MEOX2: variants seen among roughly 807,000 people sequenced by gnomAD.
MEOX2 encodes homeobox protein MOX-2.
A neutral mutation model predicts 27.0 loss-of-function variants in MEOX2; 11 were observed. The ratio of observed to expected loss-of-function variants is 0.41; its 90% CI spans 0.26 to 0.68. MEOX2 has a LOEUF of 0.68. Among genes scored for constraint, MEOX2 ranks in the 30% least tolerant of loss-of-function variants. The pLI is 0.33. For synonymous variants in MEOX2, 189 were observed against 155.4 expected (o/e 1.22, Z -1.61); for missense variants, 436 against 385.4 (o/e 1.13, Z -1.10).
intron 1 of MEOX2, among the ~76,000 whole-genome samples, chr7:15,632,084 C>T (rs1437508340): frequency 6.6e-6 from 1 of 151,774 alleles, no homozygotes; most frequent in African/African-American, 2.4e-5. Context: ...CTCTAAAGTC[C>T]TCCATACCTT....
At chr7:15,663,768 GA>G (rs1204292776) in intron 1 of MEOX2, among the ~76,000 whole-genome samples, 2 of 152,216 alleles carry the variant, frequency 1.3e-5, no homozygotes, top group Non-Finnish European at 2.9e-5. Flanking sequence ...GGCATTTAAA[GA>G]GAGAGATGGG....
intron 1 of MEOX2, among the ~76,000 whole-genome samples, chr7:15,629,755 G>C (rs1304441288): frequency 1.3e-5 from 2 of 151,742 alleles, no homozygotes; most frequent in Non-Finnish European, 2.9e-5. Flanking sequence ...TACAGTCTTG[G>C]TTTTTTAAAA....
chr7:15,642,977 T>C (rs1356825873), intron 1 of MEOX2, among the ~76,000 whole-genome samples: 1 of 152,230 alleles, frequency 6.6e-6, no homozygotes. Flanking sequence ...CACTGTCTCC[T>C]ACAAGGATAA....
At chr7:15,617,235 T>G (rs1781138262) in intron 2 of MEOX2, among the ~76,000 whole-genome samples, 1 of 152,146 alleles carries the variant, frequency 6.6e-6, no homozygotes, top group Admixed American at 6.5e-5. Flanking sequence ...GATTTGTAGA[T>G]TTAATATTCC....
intron 1 of MEOX2, among the ~76,000 whole-genome samples, chr7:15,662,289 T>C (rs1163842691): frequency 6.6e-6 from 1 of 152,048 alleles, no homozygotes; most frequent in Non-Finnish European, 1.5e-5. Flanking sequence ...TAATATATTT[T>C]CTTTAGGGAT....
At chr7:15,627,560 T>C (rs1042672115) in intron 1 of MEOX2, among the ~76,000 whole-genome samples, 1 of 152,068 alleles carries the variant, frequency 6.6e-6, no homozygotes, top group African/African-American at 2.4e-5. Flanking sequence ...AGTTTTTAAA[T>C]GTGTTTTTCA....
At chr7:15,644,350 A>C (rs1358189114) in intron 1 of MEOX2, among the ~76,000 whole-genome samples, 1 of 152,126 alleles carries the variant, frequency 6.6e-6, no homozygotes, top group African/African-American at 2.4e-5. Flanking sequence ...TTCTGTGGCT[A>C]AATATGGTGC....
rs994287248 is a variant in MEOX2 at position 15,659,163 on chromosome 7, C to T, written c.517+26723G>A. Among the ~76,000 whole-genome samples, 9 of 152,056 alleles carry T rather than the reference C, an allele frequency of 5.9e-5. No individual in the cohort carries two copies. In the East Asian group the frequency reaches 1.5e-3, roughly 26 times the overall value. On this transcript the variant is annotated intron_variant, in intron 1 of 2. Transcript: ENST00000262041. ...TACAGGCACATGCCAGCATGTCTGG[C>T]TATTTTTTATTTTATTTATTGTTTT...
intron 1 of MEOX2, among the ~76,000 whole-genome samples, chr7:15,648,496 T>C (rs909293991): frequency 3.3e-5 from 5 of 152,074 alleles, no homozygotes; most frequent in African/African-American, 1.2e-4. Context: ...TAATCACTGC[T>C]GGGATACAGA....
intron 1 of MEOX2, among the ~76,000 whole-genome samples, chr7:15,673,173 A>C (rs933802903): frequency 5.9e-5 from 9 of 152,190 alleles, no homozygotes; most frequent in Non-Finnish European, 1.2e-4. Flanking sequence ...TAAAAGAAAA[A>C]GAAAACACTA....
intron 1 of MEOX2, among the ~76,000 whole-genome samples, chr7:15,630,723 A>C (rs1024573916): frequency 6.6e-6 from 1 of 151,988 alleles, no homozygotes; most frequent in African/African-American, 2.4e-5. Flanking sequence ...TAGTTATGGA[A>C]AGCTAATAAT....
chr7:15,628,553 G>C (rs1781352057), intron 1 of MEOX2, among the ~76,000 whole-genome samples: 1 of 152,090 alleles, frequency 6.6e-6, no homozygotes. Context: ...CCTTAGCAGG[G>C]TATGTGGGGC....
At chr7:15,676,727 G>A (rs866543191) in intron 1 of MEOX2, among the ~76,000 whole-genome samples, 6 of 151,794 alleles carry the variant, frequency 4.0e-5, no homozygotes, top group Middle Eastern at 3.4e-3. Context: ...AAAAATTAGC[G>A]GGCGCCTGTA....
intron 1 of MEOX2, among the ~76,000 whole-genome samples, chr7:15,664,111 C>G (rs1032749843): frequency 6.6e-6 from 1 of 152,034 alleles, no homozygotes; most frequent in African/African-American, 2.4e-5. Flanking sequence ...GTTGGCTGTA[C>G]TTAAAGACCC....
chr7:15,631,233 A>G (rs1472230282), intron 1 of MEOX2, among the ~76,000 whole-genome samples: 2 of 148,594 alleles, frequency 1.3e-5, no homozygotes, highest in Non-Finnish European at 3.0e-5. Context: ...TCAAAATGCA[A>G]AAAAAAAAAA....
intron 1 of MEOX2, chr7:15,682,080 T>C (rs1782299849): frequency 1.3e-5 from 2 of 151,836 alleles, no homozygotes; most frequent in South Asian, 4.1e-4. Flanking sequence ...CAGATTACCA[T>C]TTTTAAATGT....
At chr7:15,670,306 A>C (rs2115390127) in intron 1 of MEOX2, among the ~76,000 whole-genome samples, 1 of 152,358 alleles carries the variant, frequency 6.6e-6, no homozygotes, top group East Asian at 1.9e-4. Flanking sequence ...GCAAGAATTT[A>C]TCCATGAAGG....
intron 1 of MEOX2, among the ~76,000 whole-genome samples, chr7:15,642,989 G>A (rs1452037999): frequency 6.6e-6 from 1 of 152,172 alleles, no homozygotes; most frequent in Non-Finnish European, 1.5e-5. Flanking sequence ...CAAGGATAAA[G>A]TGTTGGAGGT....
chr7:15,637,504 T>C (rs1015839551), intron 1 of MEOX2, among the ~76,000 whole-genome samples: 13 of 151,704 alleles, frequency 8.6e-5, no homozygotes, highest in Non-Finnish European at 1.5e-4. Context: ...TCCTAAAATG[T>C]AATTTTCCAA....
Sources: allele counts gnomAD v4.1 joint callset (sites outside exome capture counted in the v4.1 genomes callset), GRCh38; gene constraint gnomAD v4.1.1; transcripts MANE v1.5; gene names NCBI Gene and HGNC (gene_info 2026-07-23, HGNC 2026-07-21).